Variants in CPED1 observed in about 807,000 individuals in gnomAD.
CPED1 encodes the protein cadherin like and PC-esterase domain containing 1.
A neutral mutation model predicts 128.2 loss-of-function variants in CPED1; 114 were observed. The ratio of observed to expected loss-of-function variants is 0.89; its 90% CI spans 0.76 to 1.04. The LOEUF is 1.04. CPED1 is among the 50% of genes least tolerant of loss of function. CPED1 has a pLI of 0.00. For synonymous variants in CPED1, 462 were observed against 426.7 expected (o/e 1.08, Z -1.02); for missense variants, 1,211 against 1,207.1 (o/e 1.00, Z -0.05).
intron 20 of CPED1, 112 bp downstream of exon 20, chr7:121,266,920 TAAGTACTTA>T: frequency 2.6e-6 from 2 of 758,618 alleles, no homozygotes; most frequent in South Asian, 1.7e-5. Flanking sequence ...AATTTATCAT[TAAGTACTTA>T]AAGTCTAGTT....
At chr7:121,053,966 G>A (rs1395979742) in intron 4 of CPED1, among the ~76,000 whole-genome samples, 1 of 151,898 alleles carries the variant, frequency 6.6e-6, no homozygotes, top group Non-Finnish European at 1.5e-5. Flanking sequence ...TTCTTTCCTT[G>A]GACATTTCCT....
At chr7:121,278,660 A>C (rs1792376797) in intron 22 of CPED1, among the ~76,000 whole-genome samples, 1 of 152,118 alleles carries the variant, frequency 6.6e-6, no homozygotes, top group Non-Finnish European at 1.5e-5. Flanking sequence ...TAGATTAGAG[A>C]TCAGTGCCCA....
At chr7:121,034,257 T>TTC (rs1661596225) in intron 3 of CPED1, among the ~76,000 whole-genome samples, 1 of 144,816 alleles carries the variant, frequency 6.9e-6, no homozygotes, top group Non-Finnish European at 1.5e-5. Context: ...CTTTTTTTTT[T>TTC]TTTTTTTTGA....
intron 3 of CPED1, among the ~76,000 whole-genome samples, chr7:121,038,640 C>T (rs1163530611): frequency 6.6e-6 from 1 of 151,870 alleles, no homozygotes; most frequent in African/African-American, 2.4e-5. Context: ...TCTTAGTTTT[C>T]ATCTAATGTT....
rs372424019 is a variant in CPED1 at position 121,247,678 on chromosome 7, A to AACAT, written c.2310+3343_2310+3346dup. 1.2e-3 allele frequency among the ~76,000 whole-genome samples: 189 copies of AACAT among 152,278 alleles called. 2 individuals are homozygous for AACAT. Among genetic ancestry groups the AACAT allele is most frequent in the African/African-American group, 4.3e-3 (179 of 41,566 alleles). On this transcript the variant is annotated intron_variant, in intron 18 of 22. Transcript: ENST00000310396. ...CTGGATTCCTGGCTACAGGGGACCC[A>AACAT]ACATACCCCACGGACATTTGAGCTG... is the stretch of plus-strand genomic sequence containing the variant.
chr7:121,098,740 A>G (rs1794759211), intron 6 of CPED1, among the ~76,000 whole-genome samples: 1 of 17,610 alleles, frequency 5.7e-5, no homozygotes, highest in Non-Finnish European at 1.3e-4. Context: ...AAATATATAT[A>G]TATAAAAATA....
chr7:121,137,228 G>A (rs922634528), intron 14 of CPED1, among the ~76,000 whole-genome samples: 1 of 151,904 alleles, frequency 6.6e-6, no homozygotes, highest in Non-Finnish European at 1.5e-5. Flanking sequence ...CTGGAGTGCA[G>A]TGGCACCATC....
intron 5 of CPED1, among the ~76,000 whole-genome samples, chr7:121,074,168 A>C (rs1487812105): frequency 6.6e-6 from 1 of 152,090 alleles, no homozygotes. Context: ...ATGCCTTCAA[A>C]GTGTAGAGCT....
intron 16 of CPED1, among the ~76,000 whole-genome samples, chr7:121,178,283 G>A (rs986758424): frequency 1.1e-4 from 17 of 152,110 alleles, no homozygotes; most frequent in African/African-American, 4.1e-4. Flanking sequence ...CTTCCTTGAG[G>A]AATGGGTATT....
At chr7:121,115,613 T>A (rs1795218033) in intron 7 of CPED1, among the ~76,000 whole-genome samples, 1 of 152,196 alleles carries the variant, frequency 6.6e-6, no homozygotes, top group African/African-American at 2.4e-5. Flanking sequence ...GAGATAGGTA[T>A]CTTTCTGCCA....
intron 17 of CPED1, among the ~76,000 whole-genome samples, chr7:121,243,353 T>C (rs1232666912): frequency 6.6e-6 from 1 of 152,200 alleles, no homozygotes; most frequent in Admixed American, 6.5e-5. Context: ...AATTATATTT[T>C]TCTACCACAT....
intron 16 of CPED1, among the ~76,000 whole-genome samples, chr7:121,145,961 G>A (rs963696909): frequency 6.6e-6 from 1 of 151,944 alleles, no homozygotes; most frequent in East Asian, 1.9e-4. Context: ...TTATTTATAG[G>A]TCAAAGGGAA....
chr7:121,156,866 GT>G (rs1275032587), intron 16 of CPED1, among the ~76,000 whole-genome samples: 1 of 152,106 alleles, frequency 6.6e-6, no homozygotes, highest in Non-Finnish European at 1.5e-5. Context: ...GTGCAATACT[GT>G]AAACTTGAAT....
chr7:121,235,198 C>G (rs1386698334), intron 16 of CPED1, among the ~76,000 whole-genome samples: 1 of 152,104 alleles, frequency 6.6e-6, no homozygotes, highest in Non-Finnish European at 1.5e-5. Context: ...CACACACATA[C>G]ACGGGTATAC....
chr7:121,223,958 T>G (rs1332109656), intron 16 of CPED1, among the ~76,000 whole-genome samples: 1 of 152,098 alleles, frequency 6.6e-6, no homozygotes, highest in East Asian at 1.9e-4. Context: ...GTGTCTCTAT[T>G]TCTTTTAGTT....
At chr7:121,008,889 G>C (rs1183165075) in intron 2 of CPED1, among the ~76,000 whole-genome samples, 1 of 152,148 alleles carries the variant, frequency 6.6e-6, no homozygotes, top group Non-Finnish European at 1.5e-5. Flanking sequence ...AGAATGATGA[G>C]AACAAGCCAG....
chr7:121,261,851 C>T, intron 18 of CPED1: 1 of 820,586 alleles, frequency 1.2e-6, no homozygotes. Flanking sequence ...TCACCTAATA[C>T]AGGGACTATG....
chr7:120,995,239 CT>C (rs1796377617), intron 2 of CPED1, among the ~76,000 whole-genome samples: 1 of 152,190 alleles, frequency 6.6e-6, no homozygotes, highest in Non-Finnish European at 1.5e-5. Context: ...TGAAACCTCT[CT>C]TGGTGAACCC....
chr7:121,222,194 A>C (rs1457814803), intron 16 of CPED1, among the ~76,000 whole-genome samples: 1 of 152,180 alleles, frequency 6.6e-6, no homozygotes, highest in African/African-American at 2.4e-5. Context: ...TTTTCCCAGC[A>C]CCATTTATTA....
Sources: gnomAD v4.1 joint callset for allele counts (sites outside exome capture counted in the v4.1 genomes callset) on GRCh38, gnomAD v4.1.1 for gene constraint, MANE v1.5 for transcripts, NCBI Gene and HGNC (gene_info 2026-07-23, HGNC 2026-07-21) for gene names.